Variants in GAS2 observed in about 807,000 individuals in gnomAD.
GAS2 encodes the protein growth arrest-specific protein 2.
In GAS2, 20 loss-of-function variants were observed where a neutral mutation model predicts 37.5. That is an observed-to-expected ratio of 0.53 (90% CI 0.37 to 0.77). The LOEUF (loss-of-function observed/expected upper bound fraction) is 0.77, where lower values mean the gene tolerates loss of function less well. GAS2 is among the 30% of genes least tolerant of loss of function. GAS2 has a pLI of 0.00. For synonymous variants in GAS2, 144 were observed against 132.2 expected, an observed-to-expected ratio of 1.09 and a Z score of -0.61; for missense variants, 336 against 373.4, an observed-to-expected ratio of 0.90 and a Z score of 0.82.
At chr11:22,705,099 T>C (rs1839978873) in intron 3 of GAS2, among the ~76,000 whole-genome samples, 1 of 152,178 alleles carries the variant, frequency 6.6e-6, no homozygotes, top group South Asian at 2.1e-4. Flanking sequence ...ACCTCAACTT[T>C]CTTGGAGAAA....
intron 7 of GAS2, 103 bp from the exon 8 acceptor site, chr11:22,811,695 A>G: frequency 9.0e-7 from 1 of 1,109,998 alleles, no homozygotes. Context: ...ACAATGGGTC[A>G]TGAAATACAA....
At chr11:22,690,803 G>C (rs1850209066) in intron 3 of GAS2, among the ~76,000 whole-genome samples, 1 of 152,066 alleles carries the variant, frequency 6.6e-6, no homozygotes, top group South Asian at 2.1e-4. Flanking sequence ...ATTTATGCGT[G>C]AACTTTCTTT....
intron 1 of GAS2, among the ~76,000 whole-genome samples, chr11:22,667,379 T>C (rs1336538311): frequency 6.6e-6 from 1 of 152,218 alleles, no homozygotes; most frequent in African/African-American, 2.4e-5. Context: ...CTGAATGTTT[T>C]ACTTGAGTCG....
chr11:22,756,321 G>T (rs1409286347), intron 7 of GAS2, among the ~76,000 whole-genome samples: 1 of 151,926 alleles, frequency 6.6e-6, no homozygotes. Context: ...AAAAGAAAAT[G>T]AAAAATAGAG....
chr11:22,692,694 CAG>C (rs1850305419), intron 3 of GAS2, among the ~76,000 whole-genome samples: 2 of 152,286 alleles, frequency 1.3e-5, no homozygotes, highest in African/African-American at 4.8e-5. Context: ...CAGCACTTTC[CAG>C]CTTGAGTTTT....
At chr11:22,682,209 A>G (rs1849714453) in intron 2 of GAS2, among the ~76,000 whole-genome samples, 1 of 152,132 alleles carries the variant, frequency 6.6e-6, no homozygotes, top group Non-Finnish European at 1.5e-5. Context: ...GTATTCATGA[A>G]AAACAGGATA....
chr11:22,720,301 A>C (rs1312185617), intron 3 of GAS2, among the ~76,000 whole-genome samples: 1 of 151,974 alleles, frequency 6.6e-6, no homozygotes, highest in Non-Finnish European at 1.5e-5. Flanking sequence ...TTTTGGATTC[A>C]AGCTTAGTGT....
At chr11:22,734,612 A>C (rs569065358) in intron 4 of GAS2, among the ~76,000 whole-genome samples, 1 of 151,848 alleles carries the variant, frequency 6.6e-6, no homozygotes, top group East Asian at 1.9e-4. Context: ...AGAAAAAAAT[A>C]TAAAACTATC....
At chr11:22,803,727 A>G (rs1320719859) in intron 7 of GAS2, among the ~76,000 whole-genome samples, 4 of 152,132 alleles carry the variant, frequency 2.6e-5, no homozygotes, top group Admixed American at 1.3e-4. Context: ...AACAGTATTG[A>G]CCCTGTTCTG....
At chr11:22,783,637 G>A (rs967320324) in intron 7 of GAS2, among the ~76,000 whole-genome samples, 1 of 151,602 alleles carries the variant, frequency 6.6e-6, no homozygotes, top group Admixed American at 6.6e-5. Context: ...GGCCCTTTAA[G>A]GATCCCACTT....
chr11:22,715,944 T>A (rs1227815344), intron 3 of GAS2, among the ~76,000 whole-genome samples: 1 of 152,144 alleles, frequency 6.6e-6, no homozygotes, highest in African/African-American at 2.4e-5. Context: ...GAAAAAATCC[T>A]TAACAAAGTA....
intron 2 of GAS2, among the ~76,000 whole-genome samples, chr11:22,678,006 C>T (rs972182736): frequency 1.3e-5 from 2 of 151,770 alleles, no homozygotes; most frequent in African/African-American, 4.8e-5. Context: ...TTTTAATGGT[C>T]GTAGTTATAA....
At chr11:22,790,742 C>T (rs893633710) in intron 7 of GAS2, among the ~76,000 whole-genome samples, 8 of 151,880 alleles carry the variant, frequency 5.3e-5, no homozygotes, top group African/African-American at 1.9e-4. Flanking sequence ...GGATTACAGG[C>T]GTGAGCCACC....
chr11:22,638,643 G>C (rs1224432690), intron 1 of GAS2, among the ~76,000 whole-genome samples: 1 of 152,112 alleles, frequency 6.6e-6, no homozygotes, highest in Admixed American at 6.6e-5. Flanking sequence ...GTTGCACGCA[G>C]CTTGCTATTA....
chr11:22,784,623 G>C (rs539256058), intron 7 of GAS2, among the ~76,000 whole-genome samples: 2 of 152,250 alleles, frequency 1.3e-5, no homozygotes, highest in African/African-American at 4.8e-5. Context: ...TTCCCCACAA[G>C]CAAGGTTTCA....
At chr11:22,690,372 G>T (rs79234727) in intron 3 of GAS2, among the ~76,000 whole-genome samples, 3,785 of 152,100 alleles carry the variant, frequency 0.025, 70 homozygotes, top group East Asian at 0.065. Flanking sequence ...TTTCTTCCCA[G>T]ACATCAATAG....
intron 7 of GAS2, among the ~76,000 whole-genome samples, chr11:22,792,919 AG>A (rs1284464188): frequency 1.1e-4 from 17 of 152,356 alleles, no homozygotes; most frequent in Admixed American, 5.9e-4. Flanking sequence ...AATTCAGAAT[AG>A]GTCAAACAAT....
intron 6 of GAS2, 161 bp from the exon 7 acceptor site, chr11:22,755,685 T>C: frequency 5.5e-6 from 3 of 543,216 alleles, no homozygotes. Context: ...GAACTTTACA[T>C]GGTTATGATT....
chr11:22,663,348 G>A (rs779073727), upstream of GAS2, among the ~76,000 whole-genome samples: 2 of 151,988 alleles, frequency 1.3e-5, no homozygotes, highest in East Asian at 3.9e-4. Flanking sequence ...AGGATAGCTA[G>A]AGCCTGAAGG....
Sources: allele counts gnomAD v4.1 joint callset (sites outside exome capture counted in the v4.1 genomes callset), GRCh38; gene constraint gnomAD v4.1.1; transcripts MANE v1.5; gene names NCBI Gene and HGNC (gene_info 2026-07-23, HGNC 2026-07-21).